Variants in CAPRIN1 observed in about 807,000 individuals in gnomAD.
CAPRIN1 encodes the protein cell cycle associated protein 1.
CAPRIN1 carries 29 observed loss-of-function variants against 100.9 expected under a neutral mutation model. That is an observed-to-expected ratio of 0.29 (90% CI 0.21 to 0.39). The LOEUF is 0.39. Among genes scored for constraint, CAPRIN1 ranks in the 10% least tolerant of loss-of-function variants. The pLI, the probability that CAPRIN1 is intolerant of heterozygous loss-of-function variation, is 1.00. For synonymous variants in CAPRIN1, 338 were observed against 307.5 expected (o/e 1.10, Z -1.04); for missense variants, 795 against 876.7 (o/e 0.91, Z 1.18).
intron 15 of CAPRIN1, among the ~76,000 whole-genome samples, chr11:34,092,945 T>G (rs1851290577): frequency 1.3e-5 from 2 of 151,924 alleles, no homozygotes; most frequent in Admixed American, 1.3e-4. Context: ...CTCAAACTCC[T>G]GGGCTCAATG....
chr11:34,069,370 G>A (rs1850766030), intron 2 of CAPRIN1, among the ~76,000 whole-genome samples: 2 of 151,918 alleles, frequency 1.3e-5, no homozygotes, highest in African/African-American at 4.8e-5. Flanking sequence ...GGCTGGTCTT[G>A]AACTCATGAC....
chr11:34,065,464 T>TA (rs1487390973), intron 2 of CAPRIN1, among the ~76,000 whole-genome samples: 1 of 152,142 alleles, frequency 6.6e-6, no homozygotes, highest in Non-Finnish European at 1.5e-5. Context: ...CACCACTGAG[T>TA]TTCTGATTCA....
chr11:34,077,552 G>A (rs1850931968), intron 6 of CAPRIN1, among the ~76,000 whole-genome samples: 1 of 152,096 alleles, frequency 6.6e-6, no homozygotes, highest in South Asian at 2.1e-4. Context: ...CTTCAGTATA[G>A]GAATTTACGT....
In CAPRIN1 at chr11:34,101,986, T is replaced by C. The variant is rs547790621; in HGVS notation, c.*2619T>C. ...AAAAGGTAGAATGTTATTGATTACC[T>C]TGATTAGGGCAGTTTTATTTCCAGA... On this transcript the variant is annotated 3_prime_UTR_variant, in exon 19 of 19. Transcript: ENST00000341394. 2.6e-5 allele frequency among the ~76,000 whole-genome samples: 4 copies of C among 152,336 alleles called. No individual in the cohort carries two copies. In the East Asian group the frequency reaches 7.7e-4, roughly 29 times the overall value.
chr11:34,058,486 C>G (rs1850503354), intron 2 of CAPRIN1, among the ~76,000 whole-genome samples: 1 of 152,186 alleles, frequency 6.6e-6, no homozygotes, highest in African/African-American at 2.4e-5. Context: ...TGTTCCACGG[C>G]CTAAGTGTAG....
chr11:34,086,493 TTTTG>T (rs1276774323), intron 11 of CAPRIN1, 80 bp downstream of exon 11: 26 of 803,342 alleles, frequency 3.2e-5, no homozygotes, highest in Admixed American at 5.8e-5. Flanking sequence ...TGAAAATAAA[TTTTG>T]TTTATTTTAA....
rs1006811124 is a variant in CAPRIN1 at position 34,090,349 on chromosome 11, A to T, written c.1404+60A>T. 2.3e-5 allele frequency: 29 copies of T among 1,279,724 alleles called. No individual in the cohort carries two copies. In the Middle Eastern group the frequency reaches 5.6e-4, roughly 25 times the overall value. The allele number at this position is 1,279,724 out of a possible 1,614,324, so 79.3% of individuals were successfully genotyped here. A position where few individuals can be genotyped will look rare whatever the true frequency, so the allele number is the denominator to read the frequency against. ...AGGCACTTACTCATGAATTGAACAG[A>T]TGTACATTACCATTAATATAATGAT... On this transcript the variant is annotated intron_variant, in intron 13 of 18. Transcript: ENST00000341394.
chr11:34,057,177 G>A (rs553255932), intron 2 of CAPRIN1, among the ~76,000 whole-genome samples: 179 of 152,312 alleles, frequency 1.2e-3, no homozygotes, highest in African/African-American at 4.0e-3. Context: ...ATCTCTTGAT[G>A]TGTTTGCTTT....
chr11:34,074,728 C>G (rs550851470), intron 4 of CAPRIN1, among the ~76,000 whole-genome samples: 1 of 152,316 alleles, frequency 6.6e-6, no homozygotes, highest in East Asian at 1.9e-4. Flanking sequence ...GCTAAAAATA[C>G]AAAAATTAGC....
rs780408789 is a variant in CAPRIN1 at position 34,090,297 on chromosome 11, C to G, written c.1404+8C>G. On this transcript the variant is annotated splice_region_variant and intron_variant, in intron 13 of 18. Coordinates refer to ENST00000341394, the MANE Select transcript of CAPRIN1 (RefSeq NM_005898.5). ...CCAATTGATCAGATTCAGGCAAGTT[C>G]TGTTACCGGGTCACATACATTTGAT... 1.9e-6 allele frequency: 3 copies of G among 1,578,182 alleles called. No homozygotes were observed. Among genetic ancestry groups the G allele is most frequent in the Non-Finnish European group, 8.7e-7 (1 of 1,147,504 alleles).
chr11:34,096,699 A>G (rs751459735), intron 16 of CAPRIN1, 26 bp downstream of exon 16: 27 of 1,554,158 alleles, frequency 1.7e-5, no homozygotes, highest in Admixed American at 3.7e-5. Context: ...AGGAGGTTCT[A>G]ATGACCTTTT....
In CAPRIN1 at chr11:34,086,290, T is replaced by C. The variant is rs1851143282; in HGVS notation, c.1123-15T>C. ...TATATTATTTGACTTTATTCTATCC[T>C]AACTTAACCTGTAGGATTCAATGCT... On this transcript the variant is annotated splice_polypyrimidine_tract_variant and intron_variant, in intron 10 of 18. Coordinates refer to ENST00000341394, the MANE Select transcript of CAPRIN1 (RefSeq NM_005898.5). 1 of 1,609,794 alleles carries C rather than the reference T, an allele frequency of 6.2e-7. No individual in the cohort carries two copies.
intron 1 of CAPRIN1, 117 bp from the exon 2 acceptor site, chr11:34,052,304 G>C (rs993516193): frequency 6.9e-6 from 6 of 863,694 alleles, no homozygotes; most frequent in Non-Finnish European, 1.1e-5. Flanking sequence ...TCCCCCACCC[G>C]CTCGCGTAGG....
At chr11:34,073,604 A>G (rs1850845499) in intron 4 of CAPRIN1, among the ~76,000 whole-genome samples, 1 of 151,916 alleles carries the variant, frequency 6.6e-6, no homozygotes, top group African/African-American at 2.4e-5. Context: ...TCTAATTTTT[A>G]GTAGGGATGG....
At chr11:34,066,916 G>A (rs1462677309) in intron 2 of CAPRIN1, among the ~76,000 whole-genome samples, 2 of 149,156 alleles carry the variant, frequency 1.3e-5, no homozygotes, top group African/African-American at 4.9e-5. Flanking sequence ...ACAGGCGTGA[G>A]CCATCACACC....
intron 2 of CAPRIN1, chr11:34,053,188 A>G (rs1850367851): frequency 1.0e-6 from 1 of 983,822 alleles, no homozygotes; most frequent in Non-Finnish European, 1.2e-6. Context: ...ATCTTAAGGT[A>G]GAACTGCCTT....
chr11:34,080,169 C>T (rs919383227), intron 7 of CAPRIN1, among the ~76,000 whole-genome samples: 4 of 152,032 alleles, frequency 2.6e-5, no homozygotes, highest in African/African-American at 4.8e-5. Flanking sequence ...GTGATCCACC[C>T]GCCTCGGCCT....
rs1352682872 is a variant in CAPRIN1 at position 34,071,709 on chromosome 11, T to C, written c.217-17T>C. Reference sequence around the variant, plus strand: ...CCTTCAAAACGGAATGTAATTCTTTTTTTTCTTTTAACATAGGGTAAGCTT... The same window carrying C: ...CCTTCAAAACGGAATGTAATTCTTTCTTTTCTTTTAACATAGGGTAAGCTT... On this transcript the variant is annotated splice_polypyrimidine_tract_variant and intron_variant, in intron 2 of 18. Coordinates refer to ENST00000341394, the MANE Select transcript of CAPRIN1 (RefSeq NM_005898.5). 3 of 1,594,170 alleles carry C rather than the reference T, an allele frequency of 1.9e-6. No homozygotes were observed. Among genetic ancestry groups the C allele is most frequent in the Non-Finnish European group, 2.6e-6 (3 of 1,162,718 alleles).
intron 18 of CAPRIN1, chr11:34,098,289 A>G (rs1461166598): frequency 1.4e-5 from 14 of 984,520 alleles, no homozygotes; most frequent in Non-Finnish European, 1.7e-5. Context: ...AGTGATATAA[A>G]TATCAAGTTA....
Sources: gnomAD v4.1 joint callset for allele counts (sites outside exome capture counted in the v4.1 genomes callset) on GRCh38, gnomAD v4.1.1 for gene constraint, MANE v1.5 for transcripts, NCBI Gene and HGNC (gene_info 2026-07-23, HGNC 2026-07-21) for gene names.